Variants in CNOT6L observed in about 807,000 individuals in gnomAD.
CNOT6L encodes the protein CCR4-NOT transcription complex subunit 6 like.
A neutral mutation model predicts 64.0 loss-of-function variants in CNOT6L; 7 were observed. The ratio of observed to expected loss-of-function variants is 0.11; its 90% CI spans 0.06 to 0.21. CNOT6L has a LOEUF of 0.21. CNOT6L is among the 10% of genes least tolerant of loss of function. The pLI is 1.00. For synonymous variants in CNOT6L, 193 were observed against 243.4 expected, an observed-to-expected ratio of 0.79 and a Z score of 1.93; for missense variants, 245 against 669.0, an observed-to-expected ratio of 0.37 and a Z score of 6.99.
At chr4:77,786,375 G>A (rs1334519332) in intron 1 of CNOT6L, among the ~76,000 whole-genome samples, 1 of 152,096 alleles carries the variant, frequency 6.6e-6, no homozygotes, top group Non-Finnish European at 1.5e-5. Flanking sequence ...CACTTTGGGA[G>A]GCTGAGGTGG....
At chr4:77,759,891 T>G (rs1725987819) in intron 4 of CNOT6L, among the ~76,000 whole-genome samples, 1 of 152,194 alleles carries the variant, frequency 6.6e-6, no homozygotes, top group Admixed American at 6.5e-5. Context: ...TGAGACCATA[T>G]TCTGGGCCAG....
intron 5 of CNOT6L, among the ~76,000 whole-genome samples, chr4:77,749,518 G>A (rs563976465): frequency 4.9e-4 from 74 of 152,228 alleles, no homozygotes; most frequent in Non-Finnish European, 8.7e-4. Flanking sequence ...TAAAAATTCA[G>A]AAATCCAGAA....
intron 2 of CNOT6L, 33 bp downstream of exon 2, chr4:77,776,238 C>T: frequency 6.2e-7 from 1 of 1,601,438 alleles, no homozygotes; most frequent in Non-Finnish European, 8.5e-7. Flanking sequence ...ATCACTATTA[C>T]ATTCCAGATT....
intron 5 of CNOT6L, among the ~76,000 whole-genome samples, chr4:77,755,884 G>C (rs1725509390): frequency 6.7e-6 from 1 of 150,346 alleles, no homozygotes; most frequent in Non-Finnish European, 1.5e-5. Flanking sequence ...TTTGTATGCA[G>C]TAGTATCTCC....
chr4:77,766,101 C>A (rs1726785241), intron 4 of CNOT6L, among the ~76,000 whole-genome samples: 1 of 152,042 alleles, frequency 6.6e-6, no homozygotes, highest in Non-Finnish European at 1.5e-5. Flanking sequence ...CTTTACAGTT[C>A]TAGACAGATA....
chr4:77,787,748 C>T (rs1022792186), intron 1 of CNOT6L, among the ~76,000 whole-genome samples: 4 of 152,238 alleles, frequency 2.6e-5, no homozygotes, highest in African/African-American at 4.8e-5. Flanking sequence ...CTGCAACTAC[C>T]AACTACTAGC....
intron 1 of CNOT6L, among the ~76,000 whole-genome samples, chr4:77,781,764 T>C (rs1380894334): frequency 2.0e-5 from 3 of 152,192 alleles, no homozygotes; most frequent in African/African-American, 7.2e-5. Context: ...AGTCCTATAG[T>C]GTTAAATTAC....
intron 8 of CNOT6L, among the ~76,000 whole-genome samples, chr4:77,739,899 T>A (rs1723385113): frequency 6.6e-6 from 1 of 152,204 alleles, no homozygotes; most frequent in Non-Finnish European, 1.5e-5. Flanking sequence ...TAGTAAATTG[T>A]TAAGGAATTT....
intron 4 of CNOT6L, 121 bp from the exon 5 acceptor site, chr4:77,757,072 T>C (rs1725650446): frequency 3.9e-6 from 2 of 519,094 alleles, no homozygotes; most frequent in African/African-American, 1.9e-5. Flanking sequence ...AATTCTACTA[T>C]ATTTAATCTA....
At position 77,792,395 on chromosome 4, in the gene CNOT6L, T is replaced by C. The variant is rs1413905803; in HGVS notation, c.6-16003A>G. ...TCCCAGTGGCAGCAACTAAATCAAG[T>C]AGCTATGCTAAACTGAAAATATGAG... On this transcript the variant is annotated intron_variant, in intron 1 of 11. Transcript: ENST00000504123. Among the ~76,000 whole-genome samples, 3 of 152,064 alleles carry C rather than the reference T, an allele frequency of 2.0e-5. 1 individual carries two copies. The highest frequency in any genetic ancestry group is 4.4e-5 in the Non-Finnish European group (3 of 68,016).
Position 77,718,394 on chromosome 4 carries a change from A to C in CNOT6L, c.*2037T>G, listed in dbSNP as rs1720963234. On this transcript the variant is annotated 3_prime_UTR_variant, in exon 12 of 12. Transcript: ENST00000504123. Reference sequence around the variant, plus strand: ...TCCAGTACTATGCTTCAGGTAATCAATTTGCATGGCTAGATGTTGGATACT... The same window carrying C: ...TCCAGTACTATGCTTCAGGTAATCACTTTGCATGGCTAGATGTTGGATACT... The C allele has an allele frequency of 6.6e-6, 1 of 152,598 alleles. No homozygotes were observed. Among genetic ancestry groups the C allele is most frequent in the African/African-American group, 2.4e-5 (1 of 41,446 alleles). 9.5% of individuals were successfully genotyped at this position (152,598 alleles called of 1,614,324 possible).
At chr4:77,784,080 T>G (rs1729180206) in intron 1 of CNOT6L, among the ~76,000 whole-genome samples, 5 of 152,076 alleles carry the variant, frequency 3.3e-5, no homozygotes. Flanking sequence ...CAGAGATAAC[T>G]TACAGGAAGC....
At chr4:77,766,143 C>T (rs1451715897) in intron 4 of CNOT6L, among the ~76,000 whole-genome samples, 1 of 151,958 alleles carries the variant, frequency 6.6e-6, no homozygotes, top group Non-Finnish European at 1.5e-5. Flanking sequence ...TATGTAACAA[C>T]ATGACTAAGT....
At chr4:77,775,981 T>C (rs929181172) in intron 2 of CNOT6L, among the ~76,000 whole-genome samples, 4 of 152,144 alleles carry the variant, frequency 2.6e-5, no homozygotes, top group Non-Finnish European at 4.4e-5. Context: ...GCAAAAATAA[T>C]TACTCTGAAA....
At chr4:77,728,017 T>C (rs1722061639) in intron 10 of CNOT6L, among the ~76,000 whole-genome samples, 1 of 152,210 alleles carries the variant, frequency 6.6e-6, no homozygotes, top group South Asian at 2.1e-4. Flanking sequence ...ATTTAGCATA[T>C]GCTTTGGTAT....
At chr4:77,789,945 C>CAAAAAAAAAAAAAAAAAAAAAAA (rs58242121) in intron 1 of CNOT6L, among the ~76,000 whole-genome samples, 1 of 83,310 alleles carries the variant, frequency 1.2e-5, no homozygotes, top group Non-Finnish European at 2.3e-5. Flanking sequence ...GACACTGTCT[C>CAAAAAAAAAAAAAAAAAAAAAAA]AAAAAAAAAA....
chr4:77,795,451 A>G (rs2110123620), intron 1 of CNOT6L, among the ~76,000 whole-genome samples: 1 of 152,212 alleles, frequency 6.6e-6, no homozygotes, highest in East Asian at 1.9e-4. Context: ...TGTGGTTCCT[A>G]GTGTTGGAGG....
At chr4:77,758,391 G>A (rs187586467) in intron 4 of CNOT6L, among the ~76,000 whole-genome samples, 83 of 152,268 alleles carry the variant, frequency 5.5e-4, no homozygotes, top group African/African-American at 1.7e-3. Context: ...TCCAAAATGC[G>A]TCACTGAGAG....
chr4:77,768,470 AATAAATATATATATATAT>A lies in CNOT6L; in HGVS notation c.400+4593_400+4610del, dbSNP rs1403221165. Among the ~76,000 whole-genome samples, 118 of 134,400 alleles carry A rather than the reference AATAAATATATATATATAT, an allele frequency of 8.8e-4. 7 individuals are homozygous for A. Among genetic ancestry groups the A allele is most frequent in the South Asian group, 6.3e-3 (27 of 4,256 alleles). The allele number at this position is 134,400 out of a possible 152,430, so 88.2% of individuals were successfully genotyped here. A position where few individuals can be genotyped will look rare whatever the true frequency, so the allele number is the denominator to read the frequency against. On this transcript the variant is annotated intron_variant, in intron 4 of 11. Coordinates refer to ENST00000504123, the MANE Select transcript of CNOT6L (RefSeq NM_144571.3). ...ACAGAGTGAGACTCTGTCTAAAATA[AATAAATATATATATATAT>A]ATATATATATATATATATATATATA...
Sources: allele counts gnomAD v4.1 joint callset (sites outside exome capture counted in the v4.1 genomes callset), GRCh38; gene constraint gnomAD v4.1.1; transcripts MANE v1.5; gene names NCBI Gene and HGNC (gene_info 2026-07-23, HGNC 2026-07-21).